The following WWOX variants were observed in gnomAD, a reference collection of about 807,000 sequenced individuals.
WWOX encodes the protein WW domain containing oxidoreductase, also known as WW domain-containing oxidoreductase.
WWOX carries 69 observed loss-of-function variants against 46.2 expected under a neutral mutation model. That is an observed-to-expected ratio of 1.49 (90% confidence interval 1.23 to 1.82). The LOEUF (loss-of-function observed/expected upper bound fraction) is 1.82. Among genes scored for constraint, WWOX ranks in the 40% most tolerant of loss-of-function variants. WWOX has a pLI of 0.00. For missense variants in WWOX, 919 were observed against 542.6 expected, an observed-to-expected ratio of 1.69 and a Z score of -6.89; for synonymous variants, 359 against 202.6, an observed-to-expected ratio of 1.77 and a Z score of -6.56.
rs748085739 is a variant in WWOX at position 78,393,485 on chromosome 16, G to A, written c.605+6537G>A. Among the ~76,000 whole-genome samples the A allele has an allele frequency of 4.6e-5, 7 of 151,138 alleles. No homozygotes were observed. The East Asian group carries it at 5.8e-4, about 12-fold the overall frequency. On this transcript the variant is annotated intron_variant, in intron 6 of 8. Coordinates refer to ENST00000566780, the MANE Select transcript of WWOX (RefSeq NM_016373.4). The stretch of plus-strand genomic sequence containing the variant: ...ACCAGCCTGGGCAACGTAGTGAGAC[G>A]CTGTCTCTATATTACAAAATTTTTT...
intron 8 of WWOX, among the ~76,000 whole-genome samples, chr16:78,958,194 A>G (rs1365435349): frequency 6.6e-6 from 1 of 152,220 alleles, no homozygotes. Flanking sequence ...CCGCCAGACT[A>G]GCTGACTTAA....
chr16:79,196,782 T>C (rs2150820724), intron 8 of WWOX, among the ~76,000 whole-genome samples: 1 of 152,108 alleles, frequency 6.6e-6, no homozygotes, highest in Admixed American at 6.5e-5. Context: ...GTTGTAGAGA[T>C]GTTCTATTTT....
intron 8 of WWOX, among the ~76,000 whole-genome samples, chr16:78,561,973 C>T (rs1028389192): frequency 2.7e-5 from 3 of 110,540 alleles, no homozygotes; most frequent in African/African-American, 5.3e-5. Context: ...ACTTTTGCAC[C>T]AACCTAACAA....
chr16:78,662,158 G>A (rs765033243), intron 8 of WWOX, among the ~76,000 whole-genome samples: 1 of 152,146 alleles, frequency 6.6e-6, no homozygotes, highest in African/African-American at 2.4e-5. Context: ...GCTTCACAGT[G>A]AGGCACAGTG....
chr16:78,434,280 G>T (rs917563955), intron 8 of WWOX, among the ~76,000 whole-genome samples: 2 of 152,250 alleles, frequency 1.3e-5, no homozygotes, highest in Middle Eastern at 6.8e-3. Context: ...CATGCCGCAG[G>T]GTGGGATTGA....
At chr16:78,638,393 C>A (rs1056569438) in intron 8 of WWOX, among the ~76,000 whole-genome samples, 1 of 152,128 alleles carries the variant, frequency 6.6e-6, no homozygotes, top group Non-Finnish European at 1.5e-5. Flanking sequence ...CTGGCTGGGT[C>A]TGCCTTTCCA....
chr16:78,500,284 T>G (rs1044186884), intron 8 of WWOX, among the ~76,000 whole-genome samples: 2 of 152,208 alleles, frequency 1.3e-5, no homozygotes, highest in Admixed American at 1.3e-4. Context: ...TTGCTGTGGT[T>G]CCTAAGTCTC....
intron 8 of WWOX, among the ~76,000 whole-genome samples, chr16:79,187,185 A>G (rs1267184221): frequency 6.6e-6 from 1 of 152,214 alleles, no homozygotes; most frequent in East Asian, 1.9e-4. Flanking sequence ...AAAGTTACTT[A>G]AATGCTGCGT....
intron 8 of WWOX, among the ~76,000 whole-genome samples, chr16:78,440,723 A>T (rs563225358): frequency 9.0e-4 from 137 of 151,968 alleles, no homozygotes; most frequent in Middle Eastern, 3.4e-3. Context: ...AGTTCAAGCA[A>T]TTCTCCTGCC....
chr16:78,454,811 G>C (rs1826637952), intron 8 of WWOX, among the ~76,000 whole-genome samples: 1 of 152,026 alleles, frequency 6.6e-6, no homozygotes, highest in African/African-American at 2.4e-5. Flanking sequence ...TTTTTGTTTT[G>C]TTTTTGTGTA....
At chr16:79,138,474 T>G (rs1238969002) in intron 8 of WWOX, among the ~76,000 whole-genome samples, 1 of 152,208 alleles carries the variant, frequency 6.6e-6, no homozygotes, top group Non-Finnish European at 1.5e-5. Flanking sequence ...GTCTCTTTCC[T>G]GTTGGAACAA....
chr16:78,887,518 C>CACACACACACAT lies in WWOX; in HGVS notation c.1057-324089_1057-324088insCACACACACATA, dbSNP rs1199309440. Among the ~76,000 whole-genome samples the CACACACACACAT allele has an allele frequency of 8.3e-4, 123 of 147,456 alleles. 3 individuals are homozygous for CACACACACACAT. Among genetic ancestry groups the CACACACACACAT allele is most frequent in the Middle Eastern group, 3.5e-3 (1 of 288 alleles). Reference sequence around the variant, plus strand: ...ACACACACACACACACACACACACACAAGAAATGACTACAGACACCTCAAC... The same window carrying CACACACACACAT: ...ACACACACACACACACACACACACACACACACACACATAAGAAATGACTACAGACACCTCAAC... On this transcript the variant is annotated intron_variant, in intron 8 of 8. Transcript: ENST00000566780.
chr16:78,207,584 A>G (rs183042304), intron 5 of WWOX, among the ~76,000 whole-genome samples: 1 of 151,822 alleles, frequency 6.6e-6, no homozygotes, highest in East Asian at 1.9e-4. Context: ...TGAGAAGCAG[A>G]ACGTATTCTT....
At chr16:79,038,089 A>T (rs1450931060) in intron 8 of WWOX, among the ~76,000 whole-genome samples, 2 of 152,144 alleles carry the variant, frequency 1.3e-5, no homozygotes, top group East Asian at 3.9e-4. Flanking sequence ...ATTAATTCAG[A>T]TGAGCAGTTG....
chr16:78,441,450 A>T (rs1311732937), intron 8 of WWOX, among the ~76,000 whole-genome samples: 1 of 152,200 alleles, frequency 6.6e-6, no homozygotes, highest in Non-Finnish European at 1.5e-5. Context: ...TACGTAAAAG[A>T]TAAGGCAAGG....
intron 8 of WWOX, among the ~76,000 whole-genome samples, chr16:79,078,436 A>T (rs142176597): frequency 6.6e-6 from 1 of 152,098 alleles, no homozygotes; most frequent in Non-Finnish European, 1.5e-5. Flanking sequence ...GTGTGTGGAG[A>T]TGGCAGGGTG....
intron 8 of WWOX, among the ~76,000 whole-genome samples, chr16:79,105,664 T>G (rs953032971): frequency 2.6e-5 from 4 of 151,942 alleles, no homozygotes; most frequent in South Asian, 2.1e-4. Context: ...CTTTTTGTTT[T>G]TTTTTTTTTT....
At chr16:78,754,672 CAAAT>C (rs1218643464) in intron 8 of WWOX, among the ~76,000 whole-genome samples, 4 of 152,104 alleles carry the variant, frequency 2.6e-5, no homozygotes, top group Non-Finnish European at 5.9e-5. Flanking sequence ...AGCCTTGACA[CAAAT>C]AAAGGCATGG....
intron 4 of WWOX, among the ~76,000 whole-genome samples, chr16:78,148,245 A>G (rs1167888213): frequency 6.6e-6 from 1 of 152,208 alleles, no homozygotes; most frequent in Non-Finnish European, 1.5e-5. Flanking sequence ...TTGTCTTAGT[A>G]GATAGGAGTG....
Sources: allele counts gnomAD v4.1 joint callset (sites outside exome capture counted in the v4.1 genomes callset), GRCh38; gene constraint gnomAD v4.1.1; transcripts MANE v1.5; gene names NCBI Gene and HGNC (gene_info 2026-07-23, HGNC 2026-07-21).